Variants in PGPEP1L observed in about 807,000 individuals in gnomAD.
PGPEP1L encodes pyroglutamyl-peptidase 1-like protein.
In PGPEP1L, 7 loss-of-function variants were observed where a neutral mutation model predicts 6.0. The observed-to-expected ratio is 1.17, with a 90% CI of 0.66 to 2.19. The LOEUF (loss-of-function observed/expected upper bound fraction) is 2.19. PGPEP1L is among the 30% of genes most tolerant of loss of function. The pLI, the probability that PGPEP1L is intolerant of heterozygous loss-of-function variation, is 0.00. For missense variants in PGPEP1L, 209 were observed against 192.5 expected (o/e 1.09, Z -0.51); for synonymous variants, 103 against 83.9 (o/e 1.23, Z -1.24).
At chr15:98,989,658 C>T (rs1448777660) in intron 2 of PGPEP1L, among the ~76,000 whole-genome samples, 1 of 152,128 alleles carries the variant, frequency 6.6e-6, no homozygotes, top group Non-Finnish European at 1.5e-5. Flanking sequence ...TTGAGAAGAG[C>T]AACCCCAAGA....
intron 2 of PGPEP1L, among the ~76,000 whole-genome samples, chr15:98,979,047 A>AT (rs747432974): frequency 7.7e-6 from 1 of 130,122 alleles, no homozygotes; most frequent in African/African-American, 3.1e-5. Flanking sequence ...ATATATATAT[A>AT]TATTTTTATT....
At chr15:98,970,197 C>G (rs1184416342) in intron 3 of PGPEP1L, among the ~76,000 whole-genome samples, 1 of 151,228 alleles carries the variant, frequency 6.6e-6, no homozygotes, top group Non-Finnish European at 1.5e-5. Context: ...TACAGGTGCA[C>G]CACGCCCAGC....
chr15:98,973,085 TAAGTC>T (rs1227738091), intron 2 of PGPEP1L, among the ~76,000 whole-genome samples: 1 of 151,806 alleles, frequency 6.6e-6, no homozygotes, highest in Non-Finnish European at 1.5e-5. Flanking sequence ...AAATGGACTT[TAAGTC>T]AAGAATGGTG....
Position 99,007,500 on chromosome 15 carries a change from G to A in PGPEP1L, c.-511C>T, listed in dbSNP as rs782590203. On this transcript the variant is annotated 5_prime_UTR_variant, in exon 1 of 5. Transcript: ENST00000535714. ...TTTGTTTCTTCTGATGCTCGCATGT[G>A]TTCGGAGTTTCTTCCTTCTGGCAGA... 1.3e-5 allele frequency: 2 copies of A among 152,266 alleles called. No individual in the cohort carries two copies. Among genetic ancestry groups the A allele is most frequent in the South Asian group, 2.1e-4 (1 of 4,830 alleles). 9.4% of individuals were successfully genotyped at this position (152,266 alleles called of 1,614,324 possible).
intron 2 of PGPEP1L, among the ~76,000 whole-genome samples, chr15:98,989,019 A>C (rs1191889372): frequency 6.6e-6 from 1 of 152,186 alleles, no homozygotes. Flanking sequence ...ATCCATGAAG[A>C]TGGGGAGAAA....
Position 98,987,559 on chromosome 15 carries a change from C to A in PGPEP1L, c.-141-16401G>T, listed in dbSNP as rs140199441. On this transcript the variant is annotated intron_variant, in intron 2 of 4. Transcript: ENST00000535714. ...AGTGCCTAGTGTTCAGCAGGGATGG[C>A]AGTGGTGCCTTTACCCACCTTGTTC... Among the ~76,000 whole-genome samples the A allele has an allele frequency of 2.5e-3, 385 of 152,262 alleles. 1 individual carries two copies. Among genetic ancestry groups the A allele is most frequent in the African/African-American group, 8.5e-3 (353 of 41,558 alleles).
chr15:98,992,189 T>C (rs537766276), intron 2 of PGPEP1L, among the ~76,000 whole-genome samples: 1 of 152,328 alleles, frequency 6.6e-6, no homozygotes, highest in South Asian at 2.1e-4. Context: ...TGATTGTATA[T>C]TTAGAAAACC....
chr15:99,006,946 A>C (rs2018077827), intron 1 of PGPEP1L, among the ~76,000 whole-genome samples: 1 of 152,162 alleles, frequency 6.6e-6, no homozygotes, highest in South Asian at 2.1e-4. Context: ...CCTCTCAAGC[A>C]CCCTGCGGCC....
chr15:98,982,094 C>T (rs1309347335), intron 2 of PGPEP1L, among the ~76,000 whole-genome samples: 1 of 152,238 alleles, frequency 6.6e-6, no homozygotes, highest in Non-Finnish European at 1.5e-5. Context: ...GCAAACTTTT[C>T]TCCAAATAAG....
intron 2 of PGPEP1L, among the ~76,000 whole-genome samples, chr15:98,973,880 A>T (rs796879115): frequency 1.2e-4 from 18 of 152,344 alleles, no homozygotes; most frequent in African/African-American, 4.1e-4. Context: ...AATTCAAACT[A>T]AAAAAGCAAT....
intron 2 of PGPEP1L, among the ~76,000 whole-genome samples, chr15:98,989,465 A>T (rs1555471834): frequency 1.3e-5 from 2 of 152,216 alleles, no homozygotes; most frequent in East Asian, 3.9e-4. Context: ...AGCCTCCAAG[A>T]AATATGGGAC....
At position 98,990,891 on chromosome 15, in the gene PGPEP1L, A is replaced by G. The variant is rs782621016; in HGVS notation, c.-142+14538T>C. On this transcript the variant is annotated intron_variant, in intron 2 of 4. Coordinates refer to ENST00000535714, the MANE Select transcript of PGPEP1L (RefSeq NM_001167902.2). ...GGGTAAATAACGAAATTGAAGCAGA[A>G]ATAAAGATGTTCTTTGAAACCAATG... is the stretch of plus-strand genomic sequence containing the variant. Among the ~76,000 whole-genome samples, 9 of 152,366 alleles carry G rather than the reference A, an allele frequency of 5.9e-5. No individual in the cohort carries two copies. The East Asian group carries it at 1.7e-3, about 29-fold the overall frequency.
In PGPEP1L at chr15:99,005,638, G is replaced by C. The variant is rs1324145525; in HGVS notation, c.-351C>G. ...CCGCCCGGCGTCCGTAGCGTTCTGG[G>C]CCCCGAAAGGCCAAGGATCTAGGGG... On this transcript the variant is annotated 5_prime_UTR_variant, in exon 2 of 5. Transcript: ENST00000535714. 6.6e-6 allele frequency: 1 copy of C among 152,224 alleles called. No individual in the cohort carries two copies. Among genetic ancestry groups the C allele is most frequent in the Non-Finnish European group, 1.5e-5 (1 of 68,076 alleles). The allele number at this position is 152,224 out of a possible 1,614,324, so 9.4% of individuals were successfully genotyped here.
chr15:98,999,861 G>A (rs2017935697), intron 2 of PGPEP1L, among the ~76,000 whole-genome samples: 1 of 152,178 alleles, frequency 6.6e-6, no homozygotes, highest in Non-Finnish European at 1.5e-5. Flanking sequence ...ACTGATACAT[G>A]CTACTGAGAA....
rs192140998 is a variant in PGPEP1L at position 99,002,971 on chromosome 15, A to G, written c.-142+2458T>C. Among the ~76,000 whole-genome samples the G allele has an allele frequency of 3.0e-3, 452 of 152,304 alleles. 7 individuals are homozygous for G. The highest frequency in any genetic ancestry group is 9.4e-3 in the African/African-American group (392 of 41,558). On this transcript the variant is annotated intron_variant, in intron 2 of 4. Transcript: ENST00000535714. Reference sequence around the variant, plus strand: ...TAGACTAGGAACCAGTTCTGGAGAGAAACTTGAATTATACCTTTGCAATTC... The same window carrying G: ...TAGACTAGGAACCAGTTCTGGAGAGGAACTTGAATTATACCTTTGCAATTC...
intron 2 of PGPEP1L, among the ~76,000 whole-genome samples, chr15:98,988,515 C>CAT (rs1236007476): frequency 2.6e-5 from 4 of 152,202 alleles, no homozygotes; most frequent in African/African-American, 9.6e-5. Context: ...CTAAAACCCC[C>CAT]ATCTCCCTGG....
intron 2 of PGPEP1L, among the ~76,000 whole-genome samples, chr15:98,998,899 C>T (rs1435293942): frequency 1.3e-5 from 2 of 152,126 alleles, no homozygotes; most frequent in African/African-American, 2.4e-5. Flanking sequence ...CGCTTGAACC[C>T]GGAAGGCAGA....
intron 2 of PGPEP1L, among the ~76,000 whole-genome samples, chr15:99,005,203 T>C (rs1216391538): frequency 1.3e-5 from 2 of 152,198 alleles, no homozygotes; most frequent in Non-Finnish European, 2.9e-5. Flanking sequence ...ACTCGAGAGT[T>C]ACTTGAAGCG....
intron 2 of PGPEP1L, among the ~76,000 whole-genome samples, chr15:98,981,226 C>T (rs2017654096): frequency 6.6e-6 from 1 of 152,126 alleles, no homozygotes; most frequent in South Asian, 2.1e-4. Context: ...GGCGCGGTGG[C>T]TCCCGCCTGT....
Sources: gnomAD v4.1 joint callset for allele counts (sites outside exome capture counted in the v4.1 genomes callset) on GRCh38, gnomAD v4.1.1 for gene constraint, MANE v1.5 for transcripts, NCBI Gene and HGNC (gene_info 2026-07-23, HGNC 2026-07-21) for gene names.